The following CRACR2A variants were observed in gnomAD, a reference collection of about 807,000 sequenced individuals.
CRACR2A encodes the protein EF-hand calcium-binding domain-containing protein 4B.
Under a neutral mutation model 90.5 loss-of-function variants are expected in CRACR2A, and 79 were observed. The observed-to-expected ratio is 0.87, with a 90% CI of 0.73 to 1.05. CRACR2A has a LOEUF of 1.05. CRACR2A is among the 50% of genes least tolerant of loss of function. The pLI is 0.00. For missense variants in CRACR2A, 823 were observed against 897.2 expected (o/e 0.92, Z 1.06); for synonymous variants, 338 against 356.7 (o/e 0.95, Z 0.59).
chr12:3,726,755 A>C (rs1046779886), intron 2 of CRACR2A: 2 of 152,138 alleles, frequency 1.3e-5, no homozygotes, highest in Admixed American at 1.3e-4. Flanking sequence ...GGATAGTGAC[A>C]AAGTGTCACA....
chr12:3,640,527 A>T, intron 13 of CRACR2A: 1 of 1,231,870 alleles, frequency 8.1e-7, no homozygotes, highest in African/African-American at 1.6e-5. Context: ...CAATCAATCA[A>T]TCCATTCCAT....
intron 4 of CRACR2A, among the ~76,000 whole-genome samples, chr12:3,683,692 C>T (rs755634030): frequency 6.6e-6 from 1 of 152,230 alleles, no homozygotes; most frequent in Non-Finnish European, 1.5e-5. Flanking sequence ...TGAACGTCTG[C>T]TCCCTCAGTG....
intron 19 of CRACR2A, 74 bp from the exon 20 acceptor site, chr12:3,615,513 A>G: frequency 7.7e-7 from 1 of 1,295,216 alleles, no homozygotes; most frequent in Non-Finnish European, 1.1e-6. Context: ...TGGACAAGCT[A>G]CCCTCAGGTT....
chr12:3,712,959 G>A (rs958508810), intron 3 of CRACR2A, among the ~76,000 whole-genome samples: 1 of 151,744 alleles, frequency 6.6e-6, no homozygotes, highest in Non-Finnish European at 1.5e-5. Context: ...TAAAAGAGCT[G>A]GGCAAAGTGA....
At chr12:3,702,149 C>A (rs56050215) in intron 3 of CRACR2A, among the ~76,000 whole-genome samples, 1 of 152,104 alleles carries the variant, frequency 6.6e-6, no homozygotes, top group African/African-American at 2.4e-5. Context: ...TAGGAAGGAA[C>A]TGGCCCAACA....
At chr12:3,640,820 G>C (rs1280426251) in intron 13 of CRACR2A, 2 of 1,303,740 alleles carry the variant, frequency 1.5e-6, no homozygotes, top group Non-Finnish European at 2.0e-6. Context: ...GAGTGGGCAG[G>C]GGACTGGTTT....
At chr12:3,673,703 A>G in intron 6 of CRACR2A, 111 bp from the exon 7 acceptor site, 1 of 1,387,552 alleles carries the variant, frequency 7.2e-7, no homozygotes, top group South Asian at 1.4e-5. Flanking sequence ...CAGAATCATT[A>G]TAAAGATGAC....
chr12:3,745,824 ATAAAGAAAG>A (rs1298549798), intron 1 of CRACR2A, among the ~76,000 whole-genome samples: 4 of 134,312 alleles, frequency 3.0e-5, no homozygotes, highest in Non-Finnish European at 3.2e-5. Context: ...ATAAAATAAA[ATAAAGAAAG>A]AAAAGAGAAG....
intron 18 of CRACR2A, 141 bp downstream of exon 18, chr12:3,619,130 G>A: frequency 1.6e-6 from 1 of 643,432 alleles, no homozygotes; most frequent in South Asian, 1.9e-5. Flanking sequence ...CCATTCCCAG[G>A]ATACCAAGAC....
At chr12:3,691,604 T>C (rs972826448) in intron 4 of CRACR2A, among the ~76,000 whole-genome samples, 3 of 152,180 alleles carry the variant, frequency 2.0e-5, no homozygotes, top group African/African-American at 7.2e-5. Flanking sequence ...GAAAATCTGA[T>C]TATTATGTGT....
intron 1 of CRACR2A, among the ~76,000 whole-genome samples, chr12:3,734,076 T>C (rs1277793116): frequency 6.9e-6 from 1 of 145,616 alleles, no homozygotes; most frequent in Non-Finnish European, 1.5e-5. Context: ...GTTCACGCCA[T>C]TCTCCTGCCT....
intron 2 of CRACR2A, among the ~76,000 whole-genome samples, chr12:3,713,694 T>C (rs931191494): frequency 6.6e-6 from 1 of 152,196 alleles, no homozygotes; most frequent in African/African-American, 2.4e-5. Flanking sequence ...AGACGCTGTC[T>C]ACACCACAGG....
chr12:3,716,444 A>G (rs1177218516), intron 2 of CRACR2A, among the ~76,000 whole-genome samples: 1 of 152,214 alleles, frequency 6.6e-6, no homozygotes, highest in Non-Finnish European at 1.5e-5. Flanking sequence ...CTGAGTGGAA[A>G]GTTTGCTCAG....
chr12:3,650,708 C>A (rs1037690432), intron 10 of CRACR2A, among the ~76,000 whole-genome samples: 3 of 152,160 alleles, frequency 2.0e-5, no homozygotes, highest in Non-Finnish European at 2.9e-5. Flanking sequence ...TCAGGAAAAT[C>A]ATTCACCAGG....
chr12:3,658,655 C>G (rs1390287423), intron 8 of CRACR2A, among the ~76,000 whole-genome samples: 3 of 152,096 alleles, frequency 2.0e-5, no homozygotes, highest in Non-Finnish European at 4.4e-5. Context: ...TGTCGATAAT[C>G]TGAGGCAGCA....
chr12:3,625,343 C>A (rs1944236669), intron 17 of CRACR2A, among the ~76,000 whole-genome samples: 1 of 151,824 alleles, frequency 6.6e-6, no homozygotes, highest in Non-Finnish European at 1.5e-5. Context: ...GATGTCTTCA[C>A]CTCCACCACC....
intron 4 of CRACR2A, among the ~76,000 whole-genome samples, chr12:3,687,242 T>C (rs113618205): frequency 3.2e-4 from 48 of 152,084 alleles, no homozygotes; most frequent in African/African-American, 1.1e-3. Flanking sequence ...GTTTGTTATA[T>C]AGGTAAACTT....
At chr12:3,615,511 C>A (rs1867662157) in intron 19 of CRACR2A, 72 bp from the exon 20 acceptor site, 1 of 1,315,716 alleles carries the variant, frequency 7.6e-7, no homozygotes, top group Non-Finnish European at 1.0e-6. Context: ...CCTGGACAAG[C>A]TACCCTCAGG....
chr12:3,647,134 A>C, intron 11 of CRACR2A, among the ~76,000 whole-genome samples: 2 of 151,730 alleles, frequency 1.3e-5, no homozygotes. Flanking sequence ...GTCACACCCC[A>C]GCTGTTGTCC....
Sources: gnomAD v4.1 joint callset for allele counts (sites outside exome capture counted in the v4.1 genomes callset) on GRCh38, gnomAD v4.1.1 for gene constraint, MANE v1.5 for transcripts, NCBI Gene and HGNC (gene_info 2026-07-23, HGNC 2026-07-21) for gene names.